The following SATB2 variants were observed in gnomAD, a reference collection of about 807,000 sequenced individuals.
SATB2 encodes DNA-binding protein SATB2.
Under a neutral mutation model 73.4 loss-of-function variants are expected in SATB2, and 1 was observed. The ratio of observed to expected loss-of-function variants is 0.01; its 90% CI spans 0.00 to 0.06. SATB2 has a LOEUF of 0.06. Among genes scored for constraint, SATB2 ranks in the 10% least tolerant of loss-of-function variants. The probability of loss-of-function intolerance (pLI) is 1.00; values close to 1 mark genes in which losing one functional copy is unlikely to be tolerated. For synonymous variants in SATB2, 397 were observed against 367.0 expected (o/e 1.08, Z -0.93); for missense variants, 459 against 945.8 (o/e 0.49, Z 6.75).
intron 7 of SATB2, chr2:199,347,031 T>C (rs542638418): frequency 1.3e-5 from 2 of 152,066 alleles, no homozygotes; most frequent in Non-Finnish European, 2.9e-5. Context: ...CCCAGCTAAT[T>C]TTTTTGTTTT....
chr2:199,469,882 G>A (rs1574656597), upstream of SATB2: 2 of 152,436 alleles, frequency 1.3e-5, no homozygotes, highest in South Asian at 4.1e-4. Flanking sequence ...AGGAGCAGGG[G>A]GTAGAGAAAG....
intron 6 of SATB2, among the ~76,000 whole-genome samples, chr2:199,357,745 C>T (rs1201227061): frequency 6.6e-6 from 1 of 151,952 alleles, no homozygotes; most frequent in African/African-American, 2.4e-5. Flanking sequence ...CTCCCATTAT[C>T]TTATTTTTCT....
intron 3 of SATB2, among the ~76,000 whole-genome samples, chr2:199,385,312 T>G (rs770715417): frequency 6.6e-6 from 1 of 152,146 alleles, no homozygotes; most frequent in Non-Finnish European, 1.5e-5. Flanking sequence ...GTTTTGTATT[T>G]TTATAGAGAC....
chr2:199,392,854 G>C (rs2105883177), intron 3 of SATB2, among the ~76,000 whole-genome samples: 1 of 152,256 alleles, frequency 6.6e-6, no homozygotes, highest in South Asian at 2.1e-4. Flanking sequence ...ACATATGTTG[G>C]CATTAATGAA....
At chr2:199,413,167 A>G (rs1476654496) in intron 3 of SATB2, among the ~76,000 whole-genome samples, 1 of 152,182 alleles carries the variant, frequency 6.6e-6, no homozygotes, top group African/African-American at 2.4e-5. Context: ...TTATTTTTGT[A>G]ACTTACTCAG....
At chr2:199,347,702 C>G (rs1345132346) in intron 7 of SATB2, 4 of 152,218 alleles carry the variant, frequency 2.6e-5, no homozygotes, top group African/African-American at 9.7e-5. Flanking sequence ...CATGAACCTC[C>G]ACCACAACTA....
upstream of SATB2, chr2:199,468,324 A>G (rs1180071337): frequency 2.1e-5 from 3 of 140,684 alleles, no homozygotes; most frequent in East Asian, 5.9e-4. Flanking sequence ...TTTTTTTTTT[A>G]ATGTCCCTCT....
chr2:199,279,068 CTTAT>C (rs1692402604), intron 10 of SATB2, among the ~76,000 whole-genome samples: 1 of 152,108 alleles, frequency 6.6e-6, no homozygotes, highest in Non-Finnish European at 1.5e-5. Context: ...TAGTAAGTTT[CTTAT>C]TTATTTGCTG....
intron 6 of SATB2, among the ~76,000 whole-genome samples, chr2:199,358,909 A>C (rs1376418367): frequency 3.3e-5 from 5 of 152,184 alleles, no homozygotes; most frequent in African/African-American, 1.2e-4. Context: ...GTTTCAAACA[A>C]TGCTTTATCA....
chr2:199,398,511 A>G (rs569786292), intron 3 of SATB2, among the ~76,000 whole-genome samples: 2 of 152,324 alleles, frequency 1.3e-5, no homozygotes, highest in South Asian at 4.2e-4. Flanking sequence ...AGGGGGCAGA[A>G]GAAAACATTA....
At chr2:199,382,221 C>G (rs1423496121) in intron 3 of SATB2, among the ~76,000 whole-genome samples, 1 of 152,000 alleles carries the variant, frequency 6.6e-6, no homozygotes, top group African/African-American at 2.4e-5. Flanking sequence ...TTGAATTGTA[C>G]AAGAAAATTC....
upstream of SATB2, among the ~76,000 whole-genome samples, chr2:199,467,022 C>T (rs1214310951): frequency 1.3e-5 from 2 of 152,276 alleles, no homozygotes; most frequent in Non-Finnish European, 2.9e-5. Flanking sequence ...CTTACACGTG[C>T]GGCCCCGGCT....
Position 199,439,528 on chromosome 2 carries a change from A to T in SATB2, c.170-6014T>A, listed in dbSNP as rs148694654. Among the ~76,000 whole-genome samples, 380 of 152,362 alleles carry T rather than the reference A, an allele frequency of 2.5e-3. 1 individual carries two copies. Among genetic ancestry groups the T allele is most frequent in the Non-Finnish European group, 4.5e-3 (305 of 68,034 alleles). ...ACTGAACCTGAAGTACCAAAGAACA[A>T]TCTGTTTGAAATACTGAAACAAACT... On this transcript the variant is annotated intron_variant, in intron 2 of 10. Coordinates refer to ENST00000417098, the MANE Select transcript of SATB2 (RefSeq NM_001172509.2).
chr2:199,437,165 G>A (rs1691677885), intron 2 of SATB2, among the ~76,000 whole-genome samples: 1 of 152,144 alleles, frequency 6.6e-6, no homozygotes, highest in South Asian at 2.1e-4. Flanking sequence ...ATTTTCAGAT[G>A]ATCTAGTAGA....
rs1264569485 is a variant in SATB2, at chr2:199,374,105, AT to A, written c.598-5399del. ...AGGCTTGCTCAGGATGACAGAAATA[AT>A]TATCCTACAATCTATTTCTAAAGGC... On this transcript the variant is annotated intron_variant, in intron 5 of 10. Transcript: ENST00000417098. Among the ~76,000 whole-genome samples, 6 of 152,336 alleles carry A rather than the reference AT, an allele frequency of 3.9e-5. No individual in the cohort carries two copies. The East Asian group carries it at 1.2e-3, about 29-fold the overall frequency.
At chr2:199,355,165 AAAT>A (rs1357902627) in intron 6 of SATB2, among the ~76,000 whole-genome samples, 4 of 151,380 alleles carry the variant, frequency 2.6e-5, no homozygotes, top group African/African-American at 7.3e-5. Flanking sequence ...TCAAAAAATA[AAAT>A]AATACACACA....
intron 7 of SATB2, among the ~76,000 whole-genome samples, chr2:199,332,883 C>T (rs902042782): frequency 2.0e-5 from 3 of 152,156 alleles, no homozygotes; most frequent in African/African-American, 7.2e-5. Context: ...GAGAAATTAC[C>T]TTTGATGGGC....
rs1333961894 is a variant in SATB2 at position 199,395,665 on chromosome 2, C to T, written c.347-13845G>A. Among the ~76,000 whole-genome samples the T allele has an allele frequency of 2.6e-5, 4 of 152,156 alleles. No homozygotes were observed. The South Asian group carries it at 8.3e-4, about 32-fold the overall frequency. ...TTATAAATTTCTTCCCCAATCACAT[C>T]TATGTGACAGATAATTTTAGCTTTA... On this transcript the variant is annotated intron_variant, in intron 3 of 10. Coordinates refer to ENST00000417098, the MANE Select transcript of SATB2 (RefSeq NM_001172509.2).
chr2:199,295,095 C>T (rs548884246), intron 10 of SATB2, among the ~76,000 whole-genome samples: 17 of 152,056 alleles, frequency 1.1e-4, no homozygotes, highest in Admixed American at 5.9e-4. Context: ...GAGCTTTGTA[C>T]GCTGCATAAG....
Sources: gnomAD v4.1 joint callset for allele counts (sites outside exome capture counted in the v4.1 genomes callset) on GRCh38, gnomAD v4.1.1 for gene constraint, MANE v1.5 for transcripts, NCBI Gene and HGNC (gene_info 2026-07-23, HGNC 2026-07-21) for gene names.